POU6F2: variants seen among roughly 807,000 people sequenced by gnomAD.
The protein encoded by POU6F2 is POU domain, class 6, transcription factor 2.
POU6F2 carries 31 observed loss-of-function variants against 71.3 expected under a neutral mutation model. The observed-to-expected ratio is 0.43, with a 90% CI of 0.33 to 0.59. The LOEUF (loss-of-function observed/expected upper bound fraction) is 0.59, where lower values mean the gene tolerates loss of function less well. Among genes scored for constraint, POU6F2 ranks in the 20% least tolerant of loss-of-function variants. The probability of loss-of-function intolerance (pLI) is 0.04; values close to 1 mark genes in which losing one functional copy is unlikely to be tolerated. For synonymous variants in POU6F2, 347 were observed against 355.7 expected (o/e 0.98, Z 0.27); for missense variants, 783 against 856.8 (o/e 0.91, Z 1.07).
chr7:39,101,161 A>G (rs911387360), intron 2 of POU6F2, among the ~76,000 whole-genome samples: 5 of 149,742 alleles, frequency 3.3e-5, no homozygotes, highest in African/African-American at 1.2e-4. Context: ...GCAGCCTCCA[A>G]CTCCTGGGTT....
intron 2 of POU6F2, among the ~76,000 whole-genome samples, chr7:39,124,048 C>CTT (rs367553456): frequency 0.26 from 33,247 of 130,102 alleles, 5,093 homozygotes; most frequent in East Asian, 0.54. Flanking sequence ...TAGACTGGGC[C>CTT]TTTTTTTTTT....
chr7:39,134,774 C>G (rs184420974), intron 2 of POU6F2, among the ~76,000 whole-genome samples: 15 of 152,302 alleles, frequency 9.8e-5, no homozygotes, highest in Middle Eastern at 6.8e-3. Context: ...TCAGAAAGTA[C>G]AGATGGCTAG....
At chr7:39,006,849 A>G in intron 1 of POU6F2, 1 of 1,613,752 alleles carries the variant, frequency 6.2e-7, no homozygotes, top group African/African-American at 1.3e-5. Flanking sequence ...GGAAGTGGCA[A>G]ATGAGTGCTC....
chr7:39,398,165 A>G (rs1412654558), intron 5 of POU6F2, among the ~76,000 whole-genome samples: 1 of 152,160 alleles, frequency 6.6e-6, no homozygotes, highest in Non-Finnish European at 1.5e-5. Flanking sequence ...CCTTCACTCG[A>G]TAAACATTTA....
At chr7:39,269,241 G>A (rs558940165) in intron 4 of POU6F2, among the ~76,000 whole-genome samples, 2 of 152,282 alleles carry the variant, frequency 1.3e-5, no homozygotes, top group African/African-American at 4.8e-5. Context: ...GGGGAGAGAA[G>A]GAAGGTTTCA....
chr7:38,997,876 G>A (rs1788782584), intron 1 of POU6F2, among the ~76,000 whole-genome samples: 1 of 152,126 alleles, frequency 6.6e-6, no homozygotes. Flanking sequence ...AGATTATCAA[G>A]TCCAACAGAC....
intron 4 of POU6F2, among the ~76,000 whole-genome samples, chr7:39,297,190 T>TCACATACACACACACAC (rs1554339589): frequency 8.5e-6 from 1 of 118,108 alleles, no homozygotes; most frequent in Admixed American, 8.2e-5. Flanking sequence ...CAAACACACA[T>TCACATACACACACACAC]ACACATACAC....
intron 4 of POU6F2, among the ~76,000 whole-genome samples, chr7:39,261,113 C>G (rs1288183698): frequency 6.6e-6 from 1 of 151,898 alleles, no homozygotes; most frequent in Non-Finnish European, 1.5e-5. Flanking sequence ...AGATCTGTCT[C>G]CTGCTTCCTT....
In POU6F2 at chr7:39,201,540, C is replaced by T. The variant is rs1234933420; in HGVS notation, c.278-2695C>T. On this transcript the variant is annotated intron_variant, in intron 2 of 9. Coordinates refer to ENST00000518318, the MANE Select transcript of POU6F2 (RefSeq NM_001370959.1). Reference sequence around the variant, plus strand: ...ATGACAGCATAAAGTGATGAACCAGCAGCACAGCCCCTGTCCCATAGAGCT... The same window carrying T: ...ATGACAGCATAAAGTGATGAACCAGTAGCACAGCCCCTGTCCCATAGAGCT... 1.3e-5 allele frequency among the ~76,000 whole-genome samples: 2 copies of T among 152,224 alleles called. 1 individual carries two copies. Among genetic ancestry groups the T allele is most frequent in the Non-Finnish European group, 2.9e-5 (2 of 68,040 alleles).
At chr7:39,088,220 A>AAAAT (rs1350795719) in intron 2 of POU6F2, among the ~76,000 whole-genome samples, 1 of 152,198 alleles carries the variant, frequency 6.6e-6, no homozygotes, top group Non-Finnish European at 1.5e-5. Flanking sequence ...AACTTGAGAA[A>AAAAT]AAATTAGAGA....
At chr7:39,040,971 A>C (rs1248057397) in intron 1 of POU6F2, among the ~76,000 whole-genome samples, 1 of 151,982 alleles carries the variant, frequency 6.6e-6, no homozygotes, top group Non-Finnish European at 1.5e-5. Flanking sequence ...TGGTCTGTAG[A>C]ATTTTTCAAG....
At chr7:39,088,524 A>G (rs922665680) in intron 2 of POU6F2, among the ~76,000 whole-genome samples, 10 of 152,152 alleles carry the variant, frequency 6.6e-5, no homozygotes. Context: ...TTGATAATGA[A>G]GAATTGCATT....
intron 1 of POU6F2, among the ~76,000 whole-genome samples, chr7:39,060,927 G>T (rs1035829225): frequency 6.6e-6 from 1 of 151,300 alleles, no homozygotes; most frequent in South Asian, 2.1e-4. Flanking sequence ...TCCAGCCTGG[G>T]CAAAATAGAC....
chr7:39,456,622 T>C (rs1788812796), intron 8 of POU6F2, among the ~76,000 whole-genome samples: 1 of 152,176 alleles, frequency 6.6e-6, no homozygotes, highest in African/African-American at 2.4e-5. Context: ...CCATTTTGAA[T>C]GGGAAGACTT....
chr7:39,352,774 G>A (rs946325167), intron 5 of POU6F2, among the ~76,000 whole-genome samples: 4 of 151,802 alleles, frequency 2.6e-5, no homozygotes, highest in African/African-American at 7.3e-5. Context: ...TATATTTGGG[G>A]GTACATGTGC....
At chr7:39,287,689 C>T (rs1784675305) in intron 4 of POU6F2, among the ~76,000 whole-genome samples, 1 of 152,210 alleles carries the variant, frequency 6.6e-6, no homozygotes, top group South Asian at 2.1e-4. Flanking sequence ...GATCTAAAGT[C>T]TTACCTGTCC....
chr7:39,415,261 G>A (rs1052346866), intron 6 of POU6F2, among the ~76,000 whole-genome samples: 1 of 152,154 alleles, frequency 6.6e-6, no homozygotes, highest in Non-Finnish European at 1.5e-5. Flanking sequence ...GACCTCAGGC[G>A]ATCCACCTGC....
chr7:39,404,457 A>G (rs948295714), intron 5 of POU6F2: 5 of 152,222 alleles, frequency 3.3e-5, no homozygotes, highest in Non-Finnish European at 7.3e-5. Flanking sequence ...TTAATAAAAA[A>G]TATTTTCTTT....
chr7:39,314,768 C>T (rs187262999), intron 4 of POU6F2, among the ~76,000 whole-genome samples: 3 of 152,192 alleles, frequency 2.0e-5, no homozygotes, highest in East Asian at 3.9e-4. Flanking sequence ...CTAGCAAAGG[C>T]ATTAAAGAGA....
Sources: gnomAD v4.1 joint callset for allele counts (sites outside exome capture counted in the v4.1 genomes callset) on GRCh38, gnomAD v4.1.1 for gene constraint, MANE v1.5 for transcripts, NCBI Gene and HGNC (gene_info 2026-07-23, HGNC 2026-07-21) for gene names.